The following TRIT1 variants were observed in gnomAD, a reference collection of about 807,000 sequenced individuals.
TRIT1 encodes the protein tRNA isopentenyltransferase 1, also known as tRNA dimethylallyltransferase.
A neutral mutation model predicts 51.2 loss-of-function variants in TRIT1; 43 were observed. The observed-to-expected ratio is 0.84, with a 90% confidence interval of 0.66 to 1.08. The LOEUF (loss-of-function observed/expected upper bound fraction) is 1.08. Among genes scored for constraint, TRIT1 ranks in the 50% least tolerant of loss-of-function variants. The pLI is 0.00. For missense variants in TRIT1, 528 were observed against 578.4 expected, an observed-to-expected ratio of 0.91 and a Z score of 0.89; for synonymous variants, 184 against 203.9, an observed-to-expected ratio of 0.90 and a Z score of 0.83.
intron 1 of TRIT1, among the ~76,000 whole-genome samples, chr1:39,867,716 G>A (rs530314620): frequency 1.3e-5 from 2 of 152,192 alleles, no homozygotes; most frequent in East Asian, 1.9e-4. Context: ...TTTTATATTC[G>A]AGAATACTCA....
At chr1:39,846,119 C>T (rs1350312201) in intron 8 of TRIT1, among the ~76,000 whole-genome samples, 1 of 152,188 alleles carries the variant, frequency 6.6e-6, no homozygotes, top group Non-Finnish European at 1.5e-5. Flanking sequence ...TTCTATCTAC[C>T]AGGACATGCA....
At chr1:39,861,613 T>A (rs1402833522) in intron 1 of TRIT1, among the ~76,000 whole-genome samples, 2 of 151,668 alleles carry the variant, frequency 1.3e-5, no homozygotes, top group African/African-American at 2.4e-5. Context: ...TACAAATGAG[T>A]ATTATTCAGC....
chr1:39,859,560 G>C (rs1439402517), intron 1 of TRIT1, among the ~76,000 whole-genome samples: 1 of 151,080 alleles, frequency 6.6e-6, no homozygotes, highest in Non-Finnish European at 1.5e-5. Context: ...TCCAGCCTGG[G>C]CAATAGAGCC....
intron 6 of TRIT1, 54 bp downstream of exon 6, chr1:39,847,932 T>C: frequency 1.3e-6 from 2 of 1,539,664 alleles, no homozygotes; most frequent in Non-Finnish European, 1.8e-6. Context: ...GTTATGGTCT[T>C]TTGATTGTCT....
rs780543975 is a variant in TRIT1 at position 39,839,849 on chromosome 1, A to C, written c.*1895T>G. The stretch of plus-strand genomic sequence containing the variant: ...ATTAAAAGCTTTTTGACGTACAATT[A>C]TTAAAACTAGTTTTTCCTGCTTGTC... On this transcript the variant is annotated 3_prime_UTR_variant, in exon 11 of 11. Coordinates refer to ENST00000316891, the MANE Select transcript of TRIT1 (RefSeq NM_017646.6). Among the ~76,000 whole-genome samples, 1 of 152,226 alleles carries C rather than the reference A, an allele frequency of 6.6e-6. No homozygotes were observed. Among genetic ancestry groups the C allele is most frequent in the Non-Finnish European group, 1.5e-5 (1 of 68,040 alleles).
rs748166370 is a variant in TRIT1 at position 39,851,979 on chromosome 1, T to C, written c.560+752A>G. On this transcript the variant is annotated intron_variant, in intron 4 of 10. Coordinates refer to ENST00000316891, the MANE Select transcript of TRIT1 (RefSeq NM_017646.6). ...AAAAAAAAAAAAGTAATAATAATAATGAATGTTTTAAATCCTATATTCTAA... is the reference window on the plus strand; with the variant it reads ...AAAAAAAAAAAAGTAATAATAATAACGAATGTTTTAAATCCTATATTCTAA... Among the ~76,000 whole-genome samples the C allele has an allele frequency of 8.0e-4, 120 of 150,848 alleles. 2 individuals carry two copies. The highest frequency in any genetic ancestry group is 2.4e-4 in the Non-Finnish European group (16 of 67,782).
In TRIT1 at chr1:39,852,832, C is replaced by T; in HGVS notation, c.459G>A (p.Glu153=). The change falls in exon 4 of 11, where the codon GAG becomes GAA. Residue 153 remains glutamate, a synonymous_variant. Transcript: ENST00000316891. ...GTEKVIDRKV[E]LEKEDGLVLH... ...GTACAAGACCATCCTCCTTTTCAAG[C>T]TCCACTTTTCGGTCAATCACTTTCT... 2 of 1,614,228 alleles carry T rather than the reference C, an allele frequency of 1.2e-6. No individual in the cohort carries two copies. The highest frequency in any genetic ancestry group is 1.3e-5 in the African/African-American group (1 of 75,076).
Position 39,847,158 on chromosome 1 carries a change from C to T in TRIT1, c.1006+62G>A, listed in dbSNP as rs182870386. On this transcript the variant is annotated intron_variant, in intron 8 of 10. Coordinates refer to ENST00000316891, the MANE Select transcript of TRIT1 (RefSeq NM_017646.6). ...ATCTAAAATTCATTTTCTGGGTGAGCTGAGGACATCTATATTCTATTGAAA... is the reference window on the plus strand; with the variant it reads ...ATCTAAAATTCATTTTCTGGGTGAGTTGAGGACATCTATATTCTATTGAAA... 8.3e-5 allele frequency: 114 copies of T among 1,369,094 alleles called. 1 individual carries two copies. The highest frequency in any genetic ancestry group is 3.1e-6 in the Non-Finnish European group (3 of 967,484). 84.8% of individuals were successfully genotyped at this position (1,369,094 alleles called of 1,614,324 possible).
At chr1:39,851,144 G>T (rs1642541724) in intron 4 of TRIT1, among the ~76,000 whole-genome samples, 1 of 151,810 alleles carries the variant, frequency 6.6e-6, no homozygotes, top group African/African-American at 2.4e-5. Context: ...AGTATCACTG[G>T]TTTCTCAAAG....
At position 39,841,715 on chromosome 1, in the gene TRIT1, A is replaced by G; in HGVS notation, c.*29T>C. 2 of 1,589,414 alleles carry G rather than the reference A, an allele frequency of 1.3e-6. No individual in the cohort carries two copies. Among genetic ancestry groups the G allele is most frequent in the African/African-American group, 1.4e-5 (1 of 73,894 alleles). On this transcript the variant is annotated 3_prime_UTR_variant, in exon 11 of 11. Coordinates refer to ENST00000316891, the MANE Select transcript of TRIT1 (RefSeq NM_017646.6). Reference sequence around the variant, plus strand: ...CTCCCTCCTGAACTGGATCCCCACCACCTTTCCAAAGGCCACTGGACATGT... The same window carrying G: ...CTCCCTCCTGAACTGGATCCCCACCGCCTTTCCAAAGGCCACTGGACATGT...
At chr1:39,864,504 G>A (rs981076509) in intron 1 of TRIT1, among the ~76,000 whole-genome samples, 7 of 151,286 alleles carry the variant, frequency 4.6e-5, no homozygotes, top group Non-Finnish European at 8.8e-5. Flanking sequence ...AGCTACTCGG[G>A]AGGCTGAGGC....
At chr1:39,870,372 C>T (rs6600302) in intron 1 of TRIT1, among the ~76,000 whole-genome samples, 5,184 of 152,024 alleles carry the variant, frequency 0.034, 311 homozygotes, top group African/African-American at 0.12. Flanking sequence ...ACAAACACTG[C>T]GGAAGGCCGC....
In TRIT1 at chr1:39,863,396, G is replaced by T. The variant is rs140610668; in HGVS notation, c.175-5979C>A. 1.3e-3 allele frequency among the ~76,000 whole-genome samples: 196 copies of T among 152,268 alleles called. 1 individual carries two copies. The highest frequency in any genetic ancestry group is 4.3e-3 in the African/African-American group (178 of 41,566). ...GACTGCTTAGGCCCAGGAGTCCAAG[G>T]CTATAGTGAGCTAAAAAGGTGCCCC... On this transcript the variant is annotated intron_variant, in intron 1 of 10. Coordinates refer to ENST00000316891, the MANE Select transcript of TRIT1 (RefSeq NM_017646.6).
rs1642747188 is a variant in TRIT1, at chr1:39,853,992, C to G, written c.392G>C (p.Trp131Ser). 1.9e-6 allele frequency: 3 copies of G among 1,613,104 alleles called. No homozygotes were observed. Among genetic ancestry groups the G allele is most frequent in the Non-Finnish European group, 2.5e-6 (3 of 1,179,688 alleles). Reference protein sequence around the residue: ...GTNYYIESLLWKVLVNTKPQE... With the variant: ...GTNYYIESLLSKVLVNTKPQE... ...TACCTTGGTATTGACAAGAACTTTC[C>G]AGAGCAGAGATTCAATGTAATAATT... is the stretch of plus-strand genomic sequence containing the variant. Residue 131 changes from tryptophan to serine, a missense_variant, in exon 3 of 11, where the codon TGG becomes TCG. Physicochemically the swap from Trp to Ser is radical, Grantham distance 177. Transcript: ENST00000316891.
At chr1:39,864,188 A>G (rs755690300) in intron 1 of TRIT1, among the ~76,000 whole-genome samples, 1 of 151,320 alleles carries the variant, frequency 6.6e-6, no homozygotes, top group Non-Finnish European at 1.5e-5. Flanking sequence ...ACCCAGCCAG[A>G]AACATTTTTG....
At chr1:39,851,753 G>A (rs1642586502) in intron 4 of TRIT1, among the ~76,000 whole-genome samples, 1 of 151,660 alleles carries the variant, frequency 6.6e-6, no homozygotes, top group Non-Finnish European at 1.5e-5. Flanking sequence ...AACCAGCCTG[G>A]GCAACACAGC....
intron 10 of TRIT1, among the ~76,000 whole-genome samples, chr1:39,842,881 G>C (rs528541293): frequency 6.6e-6 from 1 of 152,148 alleles, no homozygotes; most frequent in South Asian, 2.1e-4. Flanking sequence ...GGCAAAAAAC[G>C]GGCTTCTGGG....
In TRIT1 at chr1:39,881,071, A is replaced by G. The variant is rs189083310; in HGVS notation, c.174+2247T>C. ...CGTCTCTACTAAAAATACAAAACTT[A>G]GCTGGGTGTGGGACAGGTGCCTGTC... On this transcript the variant is annotated intron_variant, in intron 1 of 10. Coordinates refer to ENST00000316891, the MANE Select transcript of TRIT1 (RefSeq NM_017646.6). 9.2e-4 allele frequency among the ~76,000 whole-genome samples: 140 copies of G among 151,800 alleles called. 1 individual carries two copies. The highest frequency in any genetic ancestry group is 1.8e-3 in the Admixed American group (28 of 15,228).
chr1:39,841,713 C>G lies in TRIT1; in HGVS notation c.*31G>C. 2 of 1,588,378 alleles carry G rather than the reference C, an allele frequency of 1.3e-6. No homozygotes were observed. Among genetic ancestry groups the G allele is most frequent in the African/African-American group, 1.4e-5 (1 of 73,942 alleles). ...CCCTCCCTCCTGAACTGGATCCCCA[C>G]CACCTTTCCAAAGGCCACTGGACAT... On this transcript the variant is annotated 3_prime_UTR_variant, in exon 11 of 11. Transcript: ENST00000316891.
Sources: allele counts gnomAD v4.1 joint callset (sites outside exome capture counted in the v4.1 genomes callset), GRCh38; gene constraint gnomAD v4.1.1; transcripts MANE v1.5; gene names NCBI Gene and HGNC (gene_info 2026-07-23, HGNC 2026-07-21).